SMOC1: variants seen among roughly 807,000 people sequenced by gnomAD.
The protein encoded by SMOC1 is SPARC related modular calcium binding 1.
A neutral mutation model predicts 56.3 loss-of-function variants in SMOC1; 22 were observed. The ratio of observed to expected loss-of-function variants is 0.39; its 90% CI spans 0.28 to 0.56. The LOEUF (loss-of-function observed/expected upper bound fraction) is 0.56. Ranked by LOEUF, SMOC1 falls within the 20% of genes least tolerant of loss-of-function variation. The probability of loss-of-function intolerance (pLI) is 0.61; values close to 1 mark genes in which losing one functional copy is unlikely to be tolerated. For missense variants in SMOC1, 509 were observed against 565.4 expected, an observed-to-expected ratio of 0.90 and a Z score of 1.01; for synonymous variants, 193 against 215.0, an observed-to-expected ratio of 0.90 and a Z score of 0.89.
chr14:69,979,084 C>T (rs1884082856), intron 5 of SMOC1, among the ~76,000 whole-genome samples: 1 of 152,052 alleles, frequency 6.6e-6, no homozygotes, highest in South Asian at 2.1e-4. Flanking sequence ...ACTACATGCT[C>T]ATCAGGGCCC....
Position 69,929,197 on chromosome 14 carries a change from G to A in SMOC1, c.100-22941G>A, listed in dbSNP as rs140522238. Among the ~76,000 whole-genome samples, 217 of 152,284 alleles carry A rather than the reference G, an allele frequency of 1.4e-3. 3 individuals carry two copies. The highest frequency in any genetic ancestry group is 5.1e-3 in the African/African-American group (212 of 41,550). On this transcript the variant is annotated intron_variant, in intron 1 of 11. Coordinates refer to ENST00000361956, the MANE Select transcript of SMOC1 (RefSeq NM_001034852.3). ...CGCCCATTATGGAAGGAAGAGGGAG[G>A]AGGCACCCCATTTGCTGAAGCCTTT... is the stretch of plus-strand genomic sequence containing the variant.
chr14:69,941,261 T>A (rs1475900906), intron 1 of SMOC1, among the ~76,000 whole-genome samples: 4 of 152,234 alleles, frequency 2.6e-5, no homozygotes, highest in Non-Finnish European at 5.9e-5. Flanking sequence ...TTGGTGCTTT[T>A]ATTTCATCCA....
At chr14:69,972,305 G>T (rs61977383) in intron 3 of SMOC1, among the ~76,000 whole-genome samples, 5,034 of 152,200 alleles carry the variant, frequency 0.033, 121 homozygotes, top group Non-Finnish European at 0.05. Context: ...TGGAATCATG[G>T]GCTGATTCAC....
At chr14:69,882,103 CACTTA>C (rs1883657322) in intron 1 of SMOC1, among the ~76,000 whole-genome samples, 1 of 152,172 alleles carries the variant, frequency 6.6e-6, no homozygotes, top group Non-Finnish European at 1.5e-5. Context: ...GTGTCTGTAT[CACTTA>C]AGGCAAATGA....
chr14:69,920,668 G>A (rs575897631), intron 1 of SMOC1, among the ~76,000 whole-genome samples: 2 of 145,578 alleles, frequency 1.4e-5, no homozygotes, highest in Non-Finnish European at 3.1e-5. Flanking sequence ...CAGTCTGGTG[G>A]GGGGGAGGCA....
At chr14:69,883,889 A>ATGTTTTTTTTTT (rs1883716176) in intron 1 of SMOC1, among the ~76,000 whole-genome samples, 1 of 66,622 alleles carries the variant, frequency 1.5e-5, no homozygotes, top group African/African-American at 7.0e-5. Context: ...GATGTTGAGC[A>ATGTTTTTTTTTT]TTTTTTTTTT....
intron 1 of SMOC1, among the ~76,000 whole-genome samples, chr14:69,934,352 C>A (rs1043546192): frequency 6.6e-6 from 1 of 152,216 alleles, no homozygotes; most frequent in Non-Finnish European, 1.5e-5. Context: ...TCTCCATCCA[C>A]CGAGGCATAC....
intron 1 of SMOC1, among the ~76,000 whole-genome samples, chr14:69,924,337 C>G (rs916415292): frequency 1.3e-5 from 2 of 152,218 alleles, no homozygotes; most frequent in Non-Finnish European, 1.5e-5. Context: ...TGCGTGACCT[C>G]ATATACTTGT....
At chr14:69,984,424 T>C (rs1489224613) in intron 5 of SMOC1, among the ~76,000 whole-genome samples, 1 of 152,220 alleles carries the variant, frequency 6.6e-6, no homozygotes, top group Non-Finnish European at 1.5e-5. Flanking sequence ...CAAAAAGTGC[T>C]GTTAGAGAAT....
chr14:69,967,553 G>A (rs1883616705), intron 3 of SMOC1, among the ~76,000 whole-genome samples: 1 of 151,926 alleles, frequency 6.6e-6, no homozygotes, highest in South Asian at 2.1e-4. Context: ...GCCCAGGGAA[G>A]CCAAAAGATT....
intron 1 of SMOC1, among the ~76,000 whole-genome samples, chr14:69,951,583 T>C (rs983496797): frequency 6.6e-6 from 1 of 152,180 alleles, no homozygotes; most frequent in Admixed American, 6.5e-5. Flanking sequence ...GGAGGGATGA[T>C]AGATTTGGAG....
chr14:70,001,815 T>C (rs1412894607), intron 7 of SMOC1, among the ~76,000 whole-genome samples: 1 of 152,198 alleles, frequency 6.6e-6, no homozygotes, highest in Non-Finnish European at 1.5e-5. Flanking sequence ...ACCTTACTTT[T>C]ACACGTAAGG....
chr14:69,924,308 C>T (rs1395035471), intron 1 of SMOC1, among the ~76,000 whole-genome samples: 1 of 152,204 alleles, frequency 6.6e-6, no homozygotes, highest in African/African-American at 2.4e-5. Context: ...GCTGTCTCTC[C>T]AGAAAGCTAA....
At chr14:69,911,867 C>G (rs1884564344) in intron 1 of SMOC1, among the ~76,000 whole-genome samples, 1 of 152,086 alleles carries the variant, frequency 6.6e-6, no homozygotes, top group Non-Finnish European at 1.5e-5. Flanking sequence ...TGAGTAGATA[C>G]TTTGAGTGGG....
chr14:69,914,865 T>TATTCATTAATTC, intron 1 of SMOC1, among the ~76,000 whole-genome samples: 1 of 149,422 alleles, frequency 6.7e-6, no homozygotes, highest in South Asian at 2.2e-4. Context: ...TAATTTATTT[T>TATTCATTAATTC]ATTCATTCAT....
At chr14:70,013,684 C>T (rs1040382751) in intron 10 of SMOC1, among the ~76,000 whole-genome samples, 193 bp downstream of exon 10, 1 of 152,190 alleles carries the variant, frequency 6.6e-6, no homozygotes, top group African/African-American at 2.4e-5. Context: ...TCTACCTTCC[C>T]TATTCTTTGG....
At chr14:69,902,723 T>C (rs906066230) in intron 1 of SMOC1, among the ~76,000 whole-genome samples, 1 of 152,142 alleles carries the variant, frequency 6.6e-6, no homozygotes, top group African/African-American at 2.4e-5. Flanking sequence ...CCTGCCTGAT[T>C]CTCCTGCCTC....
intron 1 of SMOC1, among the ~76,000 whole-genome samples, chr14:69,903,108 C>G (rs1391752959): frequency 1.3e-5 from 2 of 152,108 alleles, no homozygotes; most frequent in African/African-American, 4.8e-5. Context: ...GCCCCTCTGC[C>G]CGGCTGCCCA....
chr14:69,972,895 C>T (rs1168155316), intron 3 of SMOC1, among the ~76,000 whole-genome samples: 3 of 152,164 alleles, frequency 2.0e-5, no homozygotes, highest in Admixed American at 6.5e-5. Context: ...GCCTGGCTCC[C>T]GCAGCACAGC....
Sources: allele counts gnomAD v4.1 joint callset (sites outside exome capture counted in the v4.1 genomes callset), GRCh38; gene constraint gnomAD v4.1.1; transcripts MANE v1.5; gene names NCBI Gene and HGNC (gene_info 2026-07-23, HGNC 2026-07-21).